TMEM108: variants seen among roughly 807,000 people sequenced by gnomAD.
TMEM108 encodes transmembrane protein 108.
TMEM108 carries 12 observed loss-of-function variants against 35.1 expected under a neutral mutation model. The ratio of observed to expected loss-of-function variants is 0.34; its 90% CI spans 0.22 to 0.55. The LOEUF (loss-of-function observed/expected upper bound fraction) is 0.55, where lower values mean the gene tolerates loss of function less well. Among genes scored for constraint, TMEM108 ranks in the 20% least tolerant of loss-of-function variants. The pLI is 0.89. For missense variants in TMEM108, 680 were observed against 753.3 expected (o/e 0.90, Z 1.14); for synonymous variants, 287 against 308.6 (o/e 0.93, Z 0.73).
chr3:133,073,532 A>ATATATATATATATATT (rs1324857078), intron 2 of TMEM108, among the ~76,000 whole-genome samples: 16 of 134,412 alleles, frequency 1.2e-4, no homozygotes, highest in African/African-American at 4.3e-4. Context: ...ATATATATAT[A>ATATATATATATATATT]TATCACATTT....
chr3:133,299,654 G>T (rs914378364), intron 3 of TMEM108, among the ~76,000 whole-genome samples: 2 of 152,076 alleles, frequency 1.3e-5, no homozygotes, highest in Non-Finnish European at 2.9e-5. Flanking sequence ...TCTCATATAT[G>T]GCACAGGCCC....
chr3:133,316,832 T>A (rs1161519623), intron 3 of TMEM108, among the ~76,000 whole-genome samples: 2 of 151,998 alleles, frequency 1.3e-5, no homozygotes, highest in Non-Finnish European at 2.9e-5. Flanking sequence ...GGGCCTTGGG[T>A]GATGCAAAAT....
At chr3:133,043,232 A>G (rs1225369954) in intron 1 of TMEM108, among the ~76,000 whole-genome samples, 2 of 152,118 alleles carry the variant, frequency 1.3e-5, no homozygotes, top group African/African-American at 4.8e-5. Context: ...TATGTATTTG[A>G]TCTTATACAT....
At chr3:133,230,275 A>G (rs1228365715) in intron 3 of TMEM108, among the ~76,000 whole-genome samples, 1 of 152,206 alleles carries the variant, frequency 6.6e-6, no homozygotes, top group African/African-American at 2.4e-5. Context: ...TTAGTAATTC[A>G]GCTTATGTTG....
chr3:133,156,035 T>C (rs528658894), intron 2 of TMEM108, among the ~76,000 whole-genome samples: 60 of 150,958 alleles, frequency 4.0e-4, no homozygotes, highest in Non-Finnish European at 7.7e-4. Flanking sequence ...AAGGTGAGGG[T>C]CCAGTTTCAA....
intron 3 of TMEM108, among the ~76,000 whole-genome samples, chr3:133,238,655 A>G (rs1946272334): frequency 6.6e-6 from 1 of 152,144 alleles, no homozygotes. Context: ...GAAACTAGAG[A>G]GAGATTCAAG....
intron 2 of TMEM108, among the ~76,000 whole-genome samples, chr3:133,145,440 A>G (rs888363176): frequency 6.6e-6 from 1 of 152,200 alleles, no homozygotes; most frequent in African/African-American, 2.4e-5. Context: ...TATCTTGGCT[A>G]TACAGGCTCT....
intron 2 of TMEM108, among the ~76,000 whole-genome samples, chr3:133,113,768 C>T (rs2107727121): frequency 6.6e-6 from 1 of 152,204 alleles, no homozygotes; most frequent in African/African-American, 2.4e-5. Flanking sequence ...ACTGAGGTGG[C>T]AACTGTTGAA....
intron 3 of TMEM108, among the ~76,000 whole-genome samples, chr3:133,302,757 T>C (rs1947247932): frequency 6.6e-6 from 1 of 152,154 alleles, no homozygotes; most frequent in South Asian, 2.1e-4. Flanking sequence ...CTCAGTTTAA[T>C]ATTACAGTAT....
intron 3 of TMEM108, among the ~76,000 whole-genome samples, chr3:133,310,484 G>T: frequency 9.5e-6 from 1 of 104,754 alleles, no homozygotes; most frequent in African/African-American, 3.6e-5. Context: ...TTTGGTCTTT[G>T]TTGGTTTAAA....
chr3:133,246,074 G>A (rs1318333422), intron 3 of TMEM108: 1 of 151,776 alleles, frequency 6.6e-6, no homozygotes, highest in Non-Finnish European at 1.5e-5. Context: ...TAAAACTTAC[G>A]ATTGGAAAAG....
intron 2 of TMEM108, among the ~76,000 whole-genome samples, chr3:133,088,350 G>A (rs1943908562): frequency 6.6e-6 from 1 of 152,300 alleles, no homozygotes; most frequent in South Asian, 2.1e-4. Context: ...GAGGGCTTTG[G>A]AGGAGACCAT....
chr3:133,274,412 C>CTTCTG (rs1323582482), intron 3 of TMEM108, among the ~76,000 whole-genome samples: 3 of 152,162 alleles, frequency 2.0e-5, no homozygotes, highest in Non-Finnish European at 2.9e-5. Flanking sequence ...ACCAAGTGTA[C>CTTCTG]TTCTGCATGC....
chr3:133,141,007 G>C (rs1195448488), intron 2 of TMEM108, among the ~76,000 whole-genome samples: 1 of 152,148 alleles, frequency 6.6e-6, no homozygotes, highest in Non-Finnish European at 1.5e-5. Flanking sequence ...ACTGACTATA[G>C]AGGTTCACTC....
chr3:133,115,779 C>T (rs1400435290), intron 2 of TMEM108, among the ~76,000 whole-genome samples: 3 of 152,230 alleles, frequency 2.0e-5, no homozygotes, highest in East Asian at 3.8e-4. Context: ...TATGCAGGCA[C>T]TATATCAGGT....
At chr3:133,104,133 C>A (rs1160136768) in intron 2 of TMEM108, among the ~76,000 whole-genome samples, 1 of 148,458 alleles carries the variant, frequency 6.7e-6, no homozygotes, top group African/African-American at 2.4e-5. Context: ...ACAACTGTAA[C>A]ATGTCTGGGA....
intron 2 of TMEM108, among the ~76,000 whole-genome samples, chr3:133,199,057 C>G (rs762575904): frequency 2.6e-4 from 40 of 152,178 alleles, no homozygotes; most frequent in Non-Finnish European, 4.7e-4. Flanking sequence ...TCACTGATAC[C>G]CTTTCTTCCA....
intron 3 of TMEM108, among the ~76,000 whole-genome samples, chr3:133,265,478 G>T (rs1946684518): frequency 2.6e-5 from 4 of 152,134 alleles, no homozygotes; most frequent in Admixed American, 1.3e-4. Flanking sequence ...ATTTGCTGAG[G>T]CTGCAGTGCA....
intron 3 of TMEM108, among the ~76,000 whole-genome samples, chr3:133,308,978 A>C (rs903166021): frequency 3.3e-5 from 5 of 152,126 alleles, no homozygotes; most frequent in African/African-American, 1.2e-4. Context: ...TTGGCTCTGA[A>C]TCCATCTGGT....
Sources: gnomAD v4.1 joint callset for allele counts (sites outside exome capture counted in the v4.1 genomes callset) on GRCh38, gnomAD v4.1.1 for gene constraint, MANE v1.5 for transcripts, NCBI Gene and HGNC (gene_info 2026-07-23, HGNC 2026-07-21) for gene names.